The following EFCAB6 variants were observed in gnomAD, a reference collection of about 807,000 sequenced individuals.
The protein encoded by EFCAB6 is EF-hand calcium-binding domain-containing protein 6.
Under a neutral mutation model 169.8 loss-of-function variants are expected in EFCAB6, and 156 were observed. The ratio of observed to expected loss-of-function variants is 0.92; its 90% confidence interval spans 0.81 to 1.05. The LOEUF (loss-of-function observed/expected upper bound fraction) is 1.05. EFCAB6 is among the 50% of genes least tolerant of loss of function. The pLI, the probability that EFCAB6 is intolerant of heterozygous loss-of-function variation, is 0.00. For missense variants in EFCAB6, 1,800 were observed against 1,829.1 expected (o/e 0.98, Z 0.29); for synonymous variants, 698 against 676.4 (o/e 1.03, Z -0.50).
intron 30 of EFCAB6, chr22:43,532,059 A>C (rs1222922100): frequency 6.6e-6 from 1 of 152,320 alleles, no homozygotes; most frequent in Non-Finnish European, 1.5e-5. Flanking sequence ...AAGGGCTGTG[A>C]CCAGGACCAT....
intron 4 of EFCAB6, among the ~76,000 whole-genome samples, chr22:43,771,443 A>T (rs5763990): frequency 0.081 from 12,309 of 152,070 alleles, 656 homozygotes; most frequent in South Asian, 0.2. Context: ...ATAAAAAATA[A>T]ATTAATTAAT....
intron 17 of EFCAB6, among the ~76,000 whole-genome samples, chr22:43,648,395 C>A (rs2056293993): frequency 6.6e-6 from 1 of 152,202 alleles, no homozygotes; most frequent in Non-Finnish European, 1.5e-5. Flanking sequence ...AGACTGAAAT[C>A]ATGTCCTTTG....
intron 17 of EFCAB6, among the ~76,000 whole-genome samples, chr22:43,649,203 C>A (rs1355635718): frequency 6.6e-6 from 1 of 152,182 alleles, no homozygotes; most frequent in East Asian, 1.9e-4. Flanking sequence ...TGATGTCCAT[C>A]ATAAGCACAT....
chr22:43,602,130 C>G (rs866114843), intron 22 of EFCAB6, among the ~76,000 whole-genome samples: 1 of 152,238 alleles, frequency 6.6e-6, no homozygotes, highest in Non-Finnish European at 1.5e-5. Context: ...GGAGCCGTCC[C>G]GGGCAGTCCT....
At chr22:43,803,951 T>C (rs998010317) in intron 2 of EFCAB6, among the ~76,000 whole-genome samples, 2 of 152,202 alleles carry the variant, frequency 1.3e-5, no homozygotes, top group Non-Finnish European at 2.9e-5. Flanking sequence ...TGGGCTCAAG[T>C]GATCTTCCCC....
At chr22:43,602,625 C>T (rs761078147) in intron 22 of EFCAB6, among the ~76,000 whole-genome samples, 15 of 152,222 alleles carry the variant, frequency 9.9e-5, no homozygotes, top group African/African-American at 3.1e-4. Context: ...CTGGTCAAGA[C>T]GCCCTCTGAA....
At chr22:43,623,908 C>CA (rs59667895) in intron 20 of EFCAB6, among the ~76,000 whole-genome samples, 29,846 of 94,450 alleles carry the variant, frequency 0.32, 4,613 homozygotes, top group East Asian at 0.64. Context: ...GACTCCTTCT[C>CA]AAAAAAAAAA....
intron 22 of EFCAB6, among the ~76,000 whole-genome samples, chr22:43,608,141 AGAGTT>A (rs1569239147): frequency 6.6e-6 from 1 of 152,182 alleles, no homozygotes; most frequent in East Asian, 1.9e-4. Context: ...GAGTTATATT[AGAGTT>A]AAGTCCTTGG....
chr22:43,789,097 T>C (rs952343633), intron 2 of EFCAB6, among the ~76,000 whole-genome samples: 1 of 152,096 alleles, frequency 6.6e-6, no homozygotes, highest in African/African-American at 2.4e-5. Context: ...GAAAATAGAT[T>C]GGCAGTTGCC....
At chr22:43,784,600 C>CACATAT (rs1569487647) in intron 2 of EFCAB6, among the ~76,000 whole-genome samples, 5 of 78,764 alleles carry the variant, frequency 6.3e-5, no homozygotes, top group African/African-American at 2.7e-4. Context: ...TGTATATATA[C>CACATAT]ACATATATAT....
At chr22:43,778,124 C>T (rs938360642) in intron 3 of EFCAB6, among the ~76,000 whole-genome samples, 1 of 152,226 alleles carries the variant, frequency 6.6e-6, no homozygotes, top group Non-Finnish European at 1.5e-5. Context: ...AATGATAACT[C>T]CTTCCAGCCC....
intron 7 of EFCAB6, among the ~76,000 whole-genome samples, chr22:43,735,333 ACACCCCACCCTCCTGCCG>A (rs2060093422): frequency 6.8e-6 from 1 of 147,906 alleles, no homozygotes; most frequent in Non-Finnish European, 1.5e-5. Flanking sequence ...CTCCTGCCGC[ACACCCCACCCTCCTGCCG>A]CACACCCCTC....
intron 5 of EFCAB6, 121 bp downstream of exon 5, chr22:43,765,184 G>T: frequency 1.5e-6 from 1 of 671,326 alleles, no homozygotes. Context: ...ATATGGACAA[G>T]TTCTACAAAC....
intron 27 of EFCAB6, among the ~76,000 whole-genome samples, chr22:43,546,862 G>T (rs1230277837): frequency 6.8e-6 from 1 of 147,142 alleles, no homozygotes; most frequent in Non-Finnish European, 1.5e-5. Context: ...GACAGAGTGA[G>T]ACTCTGTCTC....
chr22:43,576,023 C>T (rs946743834), intron 26 of EFCAB6, among the ~76,000 whole-genome samples: 3 of 152,172 alleles, frequency 2.0e-5, no homozygotes, highest in African/African-American at 7.2e-5. Flanking sequence ...GGATCTAAGA[C>T]TCCTTAGAAT....
At chr22:43,622,949 C>A (rs1466635554) in intron 20 of EFCAB6, among the ~76,000 whole-genome samples, 1 of 152,216 alleles carries the variant, frequency 6.6e-6, no homozygotes, top group Non-Finnish European at 1.5e-5. Flanking sequence ...TCACTGAATG[C>A]AGCTGGAAAT....
chr22:43,601,013 T>TGG (rs2052479368), intron 22 of EFCAB6, among the ~76,000 whole-genome samples: 1 of 152,192 alleles, frequency 6.6e-6, no homozygotes, highest in East Asian at 1.9e-4. Flanking sequence ...GGAATTATGC[T>TGG]AAGGTTTAGA....
chr22:43,724,721 C>T (rs1260148940), intron 8 of EFCAB6, among the ~76,000 whole-genome samples: 2 of 152,118 alleles, frequency 1.3e-5, no homozygotes, highest in East Asian at 3.8e-4. Context: ...AAGTAATCTC[C>T]AAAAAGTTCT....
chr22:43,736,031 C>T (rs755938776), intron 6 of EFCAB6, 38 bp from the exon 7 acceptor site: 1 of 1,570,260 alleles, frequency 6.4e-7, no homozygotes. Context: ...GTCAAAAGAT[C>T]TAGTGTTAGG....
Sources: gnomAD v4.1 joint callset for allele counts (sites outside exome capture counted in the v4.1 genomes callset) on GRCh38, gnomAD v4.1.1 for gene constraint, MANE v1.5 for transcripts, NCBI Gene and HGNC (gene_info 2026-07-23, HGNC 2026-07-21) for gene names.